PDE7B: variants seen among roughly 807,000 people sequenced by gnomAD.
PDE7B encodes the protein 3',5'-cyclic-AMP phosphodiesterase 7B.
In PDE7B, 29 loss-of-function variants were observed where a neutral mutation model predicts 56.2. The observed-to-expected ratio is 0.52, with a 90% confidence interval of 0.38 to 0.70. The LOEUF (loss-of-function observed/expected upper bound fraction) is 0.70. Among genes scored for constraint, PDE7B ranks in the 30% least tolerant of loss-of-function variants. The pLI is 0.00. For missense variants in PDE7B, 490 were observed against 565.0 expected, an observed-to-expected ratio of 0.87 and a Z score of 1.35; for synonymous variants, 197 against 196.9, an observed-to-expected ratio of 1.00 and a Z score of 0.00.
At chr6:135,922,247 A>G (rs1413129152) in intron 1 of PDE7B, among the ~76,000 whole-genome samples, 2 of 152,144 alleles carry the variant, frequency 1.3e-5, no homozygotes, top group African/African-American at 4.8e-5. Flanking sequence ...GGCATTTTAT[A>G]TGAGTCAGTA....
intron 3 of PDE7B, among the ~76,000 whole-genome samples, chr6:136,140,702 T>C (rs1011357984): frequency 6.6e-6 from 1 of 152,180 alleles, no homozygotes; most frequent in Admixed American, 6.5e-5. Flanking sequence ...GTAAGTTGGA[T>C]TCCTAGGTAT....
intron 7 of PDE7B, among the ~76,000 whole-genome samples, chr6:136,155,312 C>T (rs1778585439): frequency 6.6e-6 from 1 of 152,228 alleles, no homozygotes; most frequent in Non-Finnish European, 1.5e-5. Flanking sequence ...CTGTCTTCTA[C>T]CTATCCACCC....
chr6:135,870,675 A>G (rs1181058210), intron 1 of PDE7B, among the ~76,000 whole-genome samples: 2 of 152,042 alleles, frequency 1.3e-5, no homozygotes, highest in Non-Finnish European at 2.9e-5. Flanking sequence ...GCAGGAAATA[A>G]GAGTTGTGTT....
intron 2 of PDE7B, among the ~76,000 whole-genome samples, chr6:135,984,133 A>C (rs1775340969): frequency 6.6e-6 from 1 of 152,224 alleles, no homozygotes; most frequent in African/African-American, 2.4e-5. Context: ...TGCTTTGAAT[A>C]AGAATACAAC....
intron 1 of PDE7B, among the ~76,000 whole-genome samples, chr6:135,920,278 T>C (rs1044959546): frequency 5.3e-5 from 8 of 152,190 alleles, no homozygotes; most frequent in African/African-American, 1.9e-4. Flanking sequence ...AGAGAACACA[T>C]AGATTATAGA....
intron 2 of PDE7B, among the ~76,000 whole-genome samples, chr6:135,976,812 A>G (rs529296078): frequency 6.6e-6 from 1 of 152,174 alleles, no homozygotes; most frequent in African/African-American, 2.4e-5. Flanking sequence ...TTGACATTTT[A>G]TTGGTTTGGG....
chr6:135,890,367 T>A (rs958992070), intron 1 of PDE7B, among the ~76,000 whole-genome samples: 1 of 152,150 alleles, frequency 6.6e-6, no homozygotes, highest in South Asian at 2.1e-4. Flanking sequence ...CACATGCAGA[T>A]TGTTTGTGCG....
intron 2 of PDE7B, among the ~76,000 whole-genome samples, chr6:136,076,193 G>A (rs563131563): frequency 1.3e-5 from 2 of 152,252 alleles, no homozygotes; most frequent in East Asian, 1.9e-4. Context: ...TGATGCAGCC[G>A]GGCATGGTGG....
At chr6:135,867,301 CAG>C (rs1775279881) in intron 1 of PDE7B, among the ~76,000 whole-genome samples, 1 of 151,938 alleles carries the variant, frequency 6.6e-6, no homozygotes, top group Admixed American at 6.6e-5. Context: ...CTTTTCAAAA[CAG>C]AAATTAGAAA....
intron 2 of PDE7B, among the ~76,000 whole-genome samples, chr6:136,099,123 A>G (rs1307536164): frequency 1.3e-5 from 2 of 152,110 alleles, no homozygotes; most frequent in African/African-American, 4.8e-5. Flanking sequence ...TTTTATGGCT[A>G]CATAGTATTC....
In PDE7B at chr6:136,048,815, G is replaced by C. The variant is rs556825644; in HGVS notation, c.83-59916G>C. Among the ~76,000 whole-genome samples, 3 of 152,268 alleles carry C rather than the reference G, an allele frequency of 2.0e-5. No individual in the cohort carries two copies. The East Asian group carries it at 5.8e-4, about 29-fold the overall frequency. ...ATATTTGTAAGATGTTGAAAATTTT[G>C]AGATGCTGAATATTTTCTCTTCAAC... On this transcript the variant is annotated intron_variant, in intron 2 of 12. Transcript: ENST00000308191.
chr6:136,095,832 C>T (rs372047606), intron 2 of PDE7B: 25 of 152,268 alleles, frequency 1.6e-4, no homozygotes, highest in Admixed American at 7.2e-4. Flanking sequence ...GGAGCTGAGA[C>T]GATCACATGA....
chr6:136,191,305 G>A (rs546543522), intron 12 of PDE7B, among the ~76,000 whole-genome samples: 102 of 152,272 alleles, frequency 6.7e-4, no homozygotes, highest in African/African-American at 2.4e-3. Context: ...CCCCAGAGCT[G>A]GAAATTTTTA....
chr6:135,995,238 G>A (rs184900172), intron 2 of PDE7B, among the ~76,000 whole-genome samples: 7 of 124,920 alleles, frequency 5.6e-5, no homozygotes, highest in East Asian at 2.5e-4. Flanking sequence ...ATGTACCACC[G>A]CTACTCAGTC....
At chr6:135,973,896 T>A (rs1775137050) in intron 2 of PDE7B, among the ~76,000 whole-genome samples, 1 of 152,200 alleles carries the variant, frequency 6.6e-6, no homozygotes, top group Non-Finnish European at 1.5e-5. Flanking sequence ...TGAGTCACCA[T>A]CAGCTGCATG....
At chr6:136,155,801 G>A (rs781078776) in intron 8 of PDE7B, 43 bp downstream of exon 8, 86 of 1,603,670 alleles carry the variant, frequency 5.4e-5, no homozygotes, top group Middle Eastern at 3.3e-4. Flanking sequence ...ATGGTCAATC[G>A]CCTTAGGCCC....
At chr6:136,156,007 T>C in intron 8 of PDE7B, 1 of 593,030 alleles carries the variant, frequency 1.7e-6, no homozygotes, top group Non-Finnish European at 3.2e-6. Flanking sequence ...CAATTGTTTT[T>C]TAAAATCTCT....
At chr6:136,108,930 C>A in intron 3 of PDE7B, 116 bp downstream of exon 3, 2 of 720,896 alleles carry the variant, frequency 2.8e-6, no homozygotes, top group South Asian at 1.5e-5. Context: ...CTTCCTGAAT[C>A]TCTCTTCTGC....
chr6:136,007,919 G>C (rs1775817123), intron 2 of PDE7B, among the ~76,000 whole-genome samples: 1 of 151,754 alleles, frequency 6.6e-6, no homozygotes, highest in South Asian at 2.1e-4. Context: ...TGCCATGTTG[G>C]TGTGCTGCAC....
Sources: gnomAD v4.1 joint callset for allele counts (sites outside exome capture counted in the v4.1 genomes callset) on GRCh38, gnomAD v4.1.1 for gene constraint, MANE v1.5 for transcripts, NCBI Gene and HGNC (gene_info 2026-07-23, HGNC 2026-07-21) for gene names.